NCKAP5: variants seen among roughly 807,000 people sequenced by gnomAD.
The protein encoded by NCKAP5 is NCK associated protein 5.
Under a neutral mutation model 167.0 loss-of-function variants are expected in NCKAP5, and 92 were observed. The ratio of observed to expected loss-of-function variants is 0.55; its 90% confidence interval spans 0.47 to 0.66. The LOEUF is 0.66. Ranked by LOEUF, NCKAP5 falls within the 30% of genes least tolerant of loss-of-function variation. The pLI is 0.00. For missense variants in NCKAP5, 2,378 were observed against 2,315.0 expected, an observed-to-expected ratio of 1.03 and a Z score of -0.56; for synonymous variants, 891 against 877.4, an observed-to-expected ratio of 1.02 and a Z score of -0.27.
chr2:133,030,004 C>A (rs959792514), intron 6 of NCKAP5, among the ~76,000 whole-genome samples: 1 of 152,178 alleles, frequency 6.6e-6, no homozygotes, highest in Non-Finnish European at 1.5e-5. Flanking sequence ...TCAGTTACTA[C>A]GCAGCTGTCA....
At chr2:133,450,987 C>A (rs1401704747) in intron 3 of NCKAP5, among the ~76,000 whole-genome samples, 2 of 152,048 alleles carry the variant, frequency 1.3e-5, no homozygotes, top group African/African-American at 2.4e-5. Context: ...TGGGTTAGAG[C>A]CCCCAAACCC....
chr2:132,773,767 C>T, intron 16 of NCKAP5, 49 bp downstream of exon 16: 1 of 1,403,628 alleles, frequency 7.1e-7, no homozygotes, highest in Non-Finnish European at 1.0e-6. Context: ...AAGAAGGATA[C>T]ATTTAGAATA....
At chr2:133,053,679 A>AT (rs2079687878) in intron 6 of NCKAP5, among the ~76,000 whole-genome samples, 2 of 151,888 alleles carry the variant, frequency 1.3e-5, no homozygotes, top group Admixed American at 6.6e-5. Flanking sequence ...TTTCCACTTT[A>AT]TTTTTTCAAG....
At chr2:132,923,017 T>A (rs539750575) in intron 8 of NCKAP5, among the ~76,000 whole-genome samples, 14 of 152,234 alleles carry the variant, frequency 9.2e-5, no homozygotes, top group Non-Finnish European at 1.6e-4. Flanking sequence ...TCCACCTTTT[T>A]TTTAGCATCT....
chr2:133,353,441 G>T (rs1184952728), intron 3 of NCKAP5, among the ~76,000 whole-genome samples: 2 of 152,124 alleles, frequency 1.3e-5, no homozygotes, highest in Non-Finnish European at 1.5e-5. Context: ...GCTGAATATT[G>T]AAGTCACATC....
In NCKAP5 at chr2:133,213,581, T is replaced by C; in HGVS notation, c.207+135A>G. ...AGAGCTGTATAAATTCTATTATAAA[T>C]ACATCATTTGCCAAAATATCATTAA... On this transcript the variant is annotated intron_variant, in intron 5 of 19. Coordinates refer to ENST00000409261, the MANE Select transcript of NCKAP5 (RefSeq NM_207363.3). The C allele has an allele frequency of 1.1e-5, 9 of 798,346 alleles. No homozygotes were observed. In the South Asian group the frequency reaches 1.3e-4, roughly 12 times the overall value. The allele number at this position is 798,346 out of a possible 1,614,324, so 49.5% of individuals were successfully genotyped here. A position where few individuals can be genotyped will look rare whatever the true frequency, so the allele number is the denominator to read the frequency against.
At chr2:133,402,242 A>T (rs949138001) in intron 3 of NCKAP5, among the ~76,000 whole-genome samples, 4 of 152,122 alleles carry the variant, frequency 2.6e-5, no homozygotes, top group Non-Finnish European at 5.9e-5. Context: ...ACGCCTACTG[A>T]TGGTACCAAA....
chr2:133,432,167 G>A (rs1268183361), intron 3 of NCKAP5, among the ~76,000 whole-genome samples: 1 of 152,112 alleles, frequency 6.6e-6, no homozygotes, highest in Non-Finnish European at 1.5e-5. Context: ...ACATCATAGA[G>A]TTTACAATAG....
chr2:133,112,535 C>A (rs1422281144), intron 6 of NCKAP5, among the ~76,000 whole-genome samples: 1 of 152,056 alleles, frequency 6.6e-6, no homozygotes, highest in Non-Finnish European at 1.5e-5. Flanking sequence ...AATACAGAGG[C>A]CTGCAATCAC....
At chr2:132,803,482 CCTT>C (rs1185521418) in intron 11 of NCKAP5, among the ~76,000 whole-genome samples, 5 of 152,236 alleles carry the variant, frequency 3.3e-5, no homozygotes, top group African/African-American at 1.2e-4. Flanking sequence ...ATATTCAAAA[CCTT>C]CTTCAAGGGT....
At chr2:133,108,149 T>C (rs983051525) in intron 6 of NCKAP5, among the ~76,000 whole-genome samples, 1 of 152,212 alleles carries the variant, frequency 6.6e-6, no homozygotes, top group African/African-American at 2.4e-5. Flanking sequence ...TGATTTATAA[T>C]TAACTAGGCA....
chr2:133,358,053 C>T (rs570861501), intron 3 of NCKAP5, among the ~76,000 whole-genome samples: 25 of 152,150 alleles, frequency 1.6e-4, no homozygotes, highest in Non-Finnish European at 3.4e-4. Flanking sequence ...ACTCCTTCTC[C>T]CATTAAGACT....
At chr2:132,877,837 AG>A (rs916515768) in intron 9 of NCKAP5, among the ~76,000 whole-genome samples, 1 of 152,174 alleles carries the variant, frequency 6.6e-6, no homozygotes, top group African/African-American at 2.4e-5. Flanking sequence ...CATGGATAGT[AG>A]GGAGAAAAAG....
At chr2:132,700,843 G>A (rs1322813362) in intron 19 of NCKAP5, among the ~76,000 whole-genome samples, 5 of 145,972 alleles carry the variant, frequency 3.4e-5, no homozygotes, top group African/African-American at 1.0e-4. Flanking sequence ...GTTTTCTTAA[G>A]ACAATCCATT....
chr2:132,721,844 C>T (rs1044688778), intron 19 of NCKAP5, among the ~76,000 whole-genome samples: 4 of 152,192 alleles, frequency 2.6e-5, no homozygotes, highest in African/African-American at 7.2e-5. Flanking sequence ...AAAGGCAGGT[C>T]GCAGACACCT....
chr2:133,522,737 T>G (rs1184438115), intron 2 of NCKAP5, among the ~76,000 whole-genome samples: 1 of 152,230 alleles, frequency 6.6e-6, no homozygotes, highest in Non-Finnish European at 1.5e-5. Flanking sequence ...CCAAGCATAT[T>G]CGGATACACC....
chr2:133,321,807 C>A (rs995887214), intron 3 of NCKAP5, among the ~76,000 whole-genome samples: 2 of 152,136 alleles, frequency 1.3e-5, no homozygotes, highest in African/African-American at 4.8e-5. Context: ...TGCATTTAAC[C>A]CTTTTCCTCA....
chr2:133,511,343 C>T (rs1268991927), intron 3 of NCKAP5, among the ~76,000 whole-genome samples: 4 of 152,214 alleles, frequency 2.6e-5, no homozygotes, highest in Admixed American at 6.5e-5. Flanking sequence ...CCTCCTAGCT[C>T]ATCTGCTCCC....
intron 4 of NCKAP5, among the ~76,000 whole-genome samples, chr2:133,223,660 A>C (rs1421509612): frequency 6.6e-6 from 1 of 152,170 alleles, no homozygotes; most frequent in Non-Finnish European, 1.5e-5. Context: ...TGTTGCCCCC[A>C]AAACTTTAAA....
Sources: allele counts gnomAD v4.1 joint callset (sites outside exome capture counted in the v4.1 genomes callset), GRCh38; gene constraint gnomAD v4.1.1; transcripts MANE v1.5; gene names NCBI Gene and HGNC (gene_info 2026-07-23, HGNC 2026-07-21).